The following COMP variants were observed in gnomAD, a reference collection of about 807,000 sequenced individuals.
COMP encodes the protein cartilage oligomeric matrix protein.
In COMP, 79 loss-of-function variants were observed where a neutral mutation model predicts 95.8. The ratio of observed to expected loss-of-function variants is 0.82; its 90% CI spans 0.69 to 0.99. The LOEUF (loss-of-function observed/expected upper bound fraction) is 0.99, where lower values mean the gene tolerates loss of function less well. COMP is among the 50% of genes least tolerant of loss of function. The probability of loss-of-function intolerance (pLI) is 0.00; values close to 1 mark genes in which losing one functional copy is unlikely to be tolerated. For synonymous variants in COMP, 438 were observed against 433.9 expected, an observed-to-expected ratio of 1.01 and a Z score of -0.12; for missense variants, 906 against 1,076.1, an observed-to-expected ratio of 0.84 and a Z score of 2.21.
At position 18,784,044 on chromosome 19, in the gene COMP, C is replaced by T. The variant is rs932373045; in HGVS notation, c.2087+147G>A. 2.2e-6 allele frequency: 2 copies of T among 889,680 alleles called. No homozygotes were observed. Among genetic ancestry groups the T allele is most frequent in the African/African-American group, 3.3e-5 (2 of 60,740 alleles). 55.1% of individuals were successfully genotyped at this position (889,680 alleles called of 1,614,324 possible). On this transcript the variant is annotated intron_variant, in intron 17 of 18. Transcript: ENST00000222271. This position sits in a 1 kb window ranked among gnomAD's most constrained non-coding sequence, Gnocchi z 4.9. ...ACAGGTGTGAGCCACCACGCCTGGACCAGCATAGGCTCATTCTAACTGCCC... is the reference window on the plus strand; with the variant it reads ...ACAGGTGTGAGCCACCACGCCTGGATCAGCATAGGCTCATTCTAACTGCCC...
intron 10 of COMP, 49 bp from the exon 11 acceptor site, chr19:18,786,699 A>T (rs1250366117): frequency 1.4e-6 from 2 of 1,438,318 alleles, no homozygotes; most frequent in Non-Finnish European, 1.9e-6. Flanking sequence ...CCAGGCCAGA[A>T]TGACTTCATT....
At position 18,790,096 on chromosome 19, in the gene COMP, C is replaced by G; in HGVS notation, c.236G>C (p.Arg79Pro). The G allele has an allele frequency of 6.5e-7, 1 of 1,537,566 alleles. No individual in the cohort carries two copies. Among genetic ancestry groups the G allele is most frequent in the Non-Finnish European group, 8.7e-7 (1 of 1,145,040 alleles). Reference sequence around the variant, plus strand: ...GGGCCGCACGCTGGGTAGGCCGGTGCGTACTGACTGCTGCATCCCTGCGGG... The same window carrying G: ...GGGCCGCACGCTGGGTAGGCCGGTGGGTACTGACTGCTGCATCCCTGCGGG... Reference protein sequence around the residue: ...CDACGMQQSVRTGLPSVRPLL... With the variant: ...CDACGMQQSVPTGLPSVRPLL... Residue 79 changes from arginine (R) to proline (P), a missense_variant, in exon 4 of 19, where the codon CGC becomes CCC. Physicochemically the swap from Arg to Pro is moderately radical, Grantham distance 103 (BLOSUM62 -2). Transcript: ENST00000222271.
At chr19:18,790,218 C>G in intron 3 of COMP, 104 bp from the exon 4 acceptor site, 2 of 874,464 alleles carry the variant, frequency 2.3e-6, no homozygotes, top group Non-Finnish European at 3.4e-6. Context: ...CCCTTCCCCC[C>G]CACCCCCCGC....
intron 10 of COMP, 76 bp from the exon 11 acceptor site, chr19:18,786,726 G>A (rs866516146): frequency 4.6e-6 from 4 of 876,534 alleles, no homozygotes; most frequent in Middle Eastern, 2.4e-4. Context: ...AGGCCAGCCT[G>A]AGGCTGGCCT....
At chr19:18,787,698 G>C in intron 9 of COMP, 48 bp from the exon 10 acceptor site, 1 of 1,607,942 alleles carries the variant, frequency 6.2e-7, no homozygotes, top group Non-Finnish European at 8.5e-7. Flanking sequence ...AGAAGGCAAA[G>C]GTCACACTCC....
chr19:18,785,124 G>A, intron 15 of COMP, 32 bp from the exon 16 acceptor site: 1 of 1,606,290 alleles, frequency 6.2e-7, no homozygotes. Flanking sequence ...TGGCCTTTCC[G>A]AACGCCAGCC....
rs2055151349 is a variant in COMP, at chr19:18,784,523, C to A, written c.1915-160G>T. 6.6e-6 allele frequency among the ~76,000 whole-genome samples: 1 copy of A among 152,108 alleles called. No homozygotes were observed. The highest frequency in any genetic ancestry group is 1.5e-5 in the Non-Finnish European group (1 of 68,024). Reference sequence around the variant, plus strand: ...GCCTTCTTCAGGGGCCAAATGGCAGCTTGGGGATAGGTCACAGGGGGCAGC... The same window carrying A: ...GCCTTCTTCAGGGGCCAAATGGCAGATTGGGGATAGGTCACAGGGGGCAGC... On this transcript the variant is annotated intron_variant, in intron 16 of 18. Transcript: ENST00000222271. The surrounding 1 kb of genome is among the most constrained non-coding windows in gnomAD (Gnocchi z 4.9).
chr19:18,783,429 G>A (rs897819392), intron 17 of COMP, among the ~76,000 whole-genome samples: 2 of 152,200 alleles, frequency 1.3e-5, no homozygotes, highest in Admixed American at 6.5e-5. Flanking sequence ...CTGAGAAACA[G>A]GGACTGGGTG....
At chr19:18,785,921 C>T (rs1328163058) in intron 13 of COMP, 44 bp downstream of exon 13, 2 of 1,587,896 alleles carry the variant, frequency 1.3e-6, no homozygotes, top group Non-Finnish European at 1.7e-6. Flanking sequence ...CGCCAGGAGC[C>T]CCCACTGGCC....
At position 18,786,125 on chromosome 19, in the gene COMP, G is replaced by A; in HGVS notation, c.1329C>T (p.Asp443=). ...GCACCGTGGGACAGTTGTCCCGAGA[G>A]TCCTGATGTCCGTCTCCATCCCTAG... ...DQDQDGDGHQ[D]SRDNCPTVPN... Residue 443 remains aspartate (D), a synonymous_variant, in exon 13 of 19, where the codon GAC becomes GAT. Coordinates refer to ENST00000222271, the MANE Select transcript of COMP (RefSeq NM_000095.3). 1.2e-6 allele frequency: 2 copies of A among 1,614,186 alleles called. No individual in the cohort carries two copies. The highest frequency in any genetic ancestry group is 2.2e-5 in the South Asian group (2 of 91,088).
rs1315814599 is a variant in COMP at position 18,783,182 on chromosome 19, T to C, written c.2099A>G (p.Tyr700Cys). 1 of 1,608,108 alleles carries C rather than the reference T, an allele frequency of 6.2e-7. No individual in the cohort carries two copies. Among genetic ancestry groups the C allele is most frequent in the East Asian group, 2.2e-5 (1 of 44,890 alleles). Residue 700 changes from tyrosine (Y) to cysteine (C), a missense_variant, in exon 18 of 19, where the codon TAT (tyrosine) becomes TGT (cysteine). Physicochemically the swap from Tyr to Cys is radical, Grantham distance 194. Transcript: ENST00000222271. ...GTCGGCCACCAGCTCAGGGCCCTCA[T>C]AGAATCGCACCCTGAGGGTCAGACA... Reference protein sequence around the residue: ...PQVGYIRVRFYEGPELVADSN... With the variant: ...PQVGYIRVRFCEGPELVADSN...
rs765277476 is a variant in COMP, at chr19:18,787,495, G to C, written c.1131C>G (p.Gly377=). 2 of 1,611,810 alleles carry C rather than the reference G, an allele frequency of 1.2e-6. No individual in the cohort carries two copies. Among genetic ancestry groups the C allele is most frequent in the South Asian group, 1.1e-5 (1 of 91,044 alleles). Residue 377 remains glycine (G), a synonymous_variant, in exon 10 of 19, where the codon GGC becomes GGG. Transcript: ENST00000222271. ...CCCAACCCCCATCGAGCTCACGGTC[G>C]CCGTCGATGTCGTCGTCGCACGCAT... ...RGDACDDDID[G]DRIRNQADNC... is the part of the protein sequence containing the mutation.
chr19:18,790,209 C>T, intron 3 of COMP, 95 bp from the exon 4 acceptor site: 1 of 952,544 alleles, frequency 1.0e-6, no homozygotes, highest in Non-Finnish European at 1.5e-6. Context: ...GGAGGCTTCC[C>T]CTTCCCCCCC....
Position 18,788,830 on chromosome 19 carries a change from G to A in COMP, c.603+9C>T, listed in dbSNP as rs1284668829. The A allele has an allele frequency of 1.2e-6, 2 of 1,613,594 alleles. No homozygotes were observed. The highest frequency in any genetic ancestry group is 1.7e-5 in the Admixed American group (1 of 59,968). On this transcript the variant is annotated intron_variant, in intron 6 of 18. Coordinates refer to ENST00000222271, the MANE Select transcript of COMP (RefSeq NM_000095.3). The surrounding 1 kb of genome is among the most constrained non-coding windows in gnomAD (Gnocchi z 4.7). The stretch of plus-strand genomic sequence containing the variant: ...CCGCGATCCTTTCTTCCTCCCCAGC[G>A]GGCCTTACCCGGGTGTTGATGCACA...
At position 18,790,130 on chromosome 19, in the gene COMP, G is replaced by T. The variant is rs1208169025; in HGVS notation, c.218-16C>A. 3.3e-6 allele frequency: 5 copies of T among 1,519,244 alleles called. No homozygotes were observed. The South Asian group carries it at 6.1e-5, about 19-fold the overall frequency. 94.1% of individuals were successfully genotyped at this position (1,519,244 alleles called of 1,614,324 possible). ...TGCTGCATCCCTGCGGGGGGGAGGG[G>T]GGAGAAGCGGCGGGGCTGATCGGTG... On this transcript the variant is annotated splice_polypyrimidine_tract_variant and intron_variant, in intron 3 of 18. Coordinates refer to ENST00000222271, the MANE Select transcript of COMP (RefSeq NM_000095.3).
At chr19:18,785,237 C>T in intron 15 of COMP, 145 bp from the exon 16 acceptor site, 1 of 933,520 alleles carries the variant, frequency 1.1e-6, no homozygotes. Flanking sequence ...GACTCAGCCA[C>T]GCCCCCCATC....
At position 18,789,037 on chromosome 19, in the gene COMP, G is replaced by T. The variant is rs948239111; in HGVS notation, c.528+123C>A. ...CTGCCCCAAACCGATCAGCCCTGGC[G>T]CAGCGGACCCCTCCTCTCCCCACCC... On this transcript the variant is annotated intron_variant, in intron 5 of 18. Coordinates refer to ENST00000222271, the MANE Select transcript of COMP (RefSeq NM_000095.3). This position sits in a 1 kb window ranked among gnomAD's most constrained non-coding sequence, Gnocchi z 6.1. The T allele has an allele frequency of 2.6e-6, 4 of 1,536,942 alleles. No individual in the cohort carries two copies. The highest frequency in any genetic ancestry group is 2.7e-6 in the Non-Finnish European group (3 of 1,131,198).
In COMP at chr19:18,788,797, C is replaced by G. The variant is rs1340415085; in HGVS notation, c.603+42G>C. The stretch of plus-strand genomic sequence containing the variant: ...TCAGCGCAGGCCGCCCGCCGCTCGC[C>G]CCACCTCCCGCGATCCTTTCTTCCT... On this transcript the variant is annotated intron_variant, in intron 6 of 18. Transcript: ENST00000222271. This position sits in a 1 kb window ranked among gnomAD's most constrained non-coding sequence, Gnocchi z 4.7. 5.0e-6 allele frequency: 8 copies of G among 1,610,330 alleles called. No homozygotes were observed. The highest frequency in any genetic ancestry group is 6.8e-6 in the Non-Finnish European group (8 of 1,178,706).
intron 9 of COMP, among the ~76,000 whole-genome samples, chr19:18,787,914 C>CCTTTT (rs1568555858): frequency 3.6e-5 from 5 of 137,008 alleles, no homozygotes; most frequent in African/African-American, 1.3e-4. Context: ...TTCTTTCTTT[C>CCTTTT]TTTTTTTTGA....
Sources: gnomAD v4.1 joint callset for allele counts (sites outside exome capture counted in the v4.1 genomes callset) on GRCh38, gnomAD v4.1.1 for gene constraint, Gnocchi (gnomAD v3.1) non-coding constraint, MANE v1.5 for transcripts, NCBI Gene and HGNC (gene_info 2026-07-23, HGNC 2026-07-21) for gene names.